Variants in SULF2 observed in about 807,000 individuals in gnomAD.
The protein encoded by SULF2 is sulfatase 2, also known as extracellular sulfatase Sulf-2.
Under a neutral mutation model 107.7 loss-of-function variants are expected in SULF2, and 52 were observed. That is an observed-to-expected ratio of 0.48 (90% confidence interval 0.39 to 0.61). SULF2 has a LOEUF of 0.61. SULF2 is among the 20% of genes least tolerant of loss of function. The pLI, the probability that SULF2 is intolerant of heterozygous loss-of-function variation, is 0.00. For synonymous variants in SULF2, 460 were observed against 464.3 expected (o/e 0.99, Z 0.12); for missense variants, 993 against 1,177.3 (o/e 0.84, Z 2.29).
intron 2 of SULF2, 127 bp from the exon 3 acceptor site, chr20:47,737,069 G>A: frequency 3.6e-6 from 5 of 1,377,112 alleles, no homozygotes; most frequent in Non-Finnish European, 4.0e-6. Flanking sequence ...CGGGGCAGAC[G>A]GGGCAGGGGC....
Position 47,690,289 on chromosome 20 carries a change from G to C in SULF2, c.574C>G (p.Leu192Val). The C allele has an allele frequency of 2.7e-6, 4 of 1,495,600 alleles. No individual in the cohort carries two copies. The highest frequency in any genetic ancestry group is 3.6e-6 in the Non-Finnish European group (4 of 1,114,664). The allele number at this position is 1,495,600 out of a possible 1,614,324, so 92.6% of individuals were successfully genotyped here. The stretch of plus-strand genomic sequence containing the variant: ...CTGTCATTGGTGATGAGGTCTGTGA[G>C]GTAATCCTGGGGGGTGGGGAGAGAC... The part of the protein sequence containing the change: ...KHGSDYSKDY[L>V]TDLITNDSVS... Residue 192 changes from leucine (L) to valine (V), a missense_variant, in exon 5 of 21, where the codon CTC becomes GTC. By Grantham distance (32) the Leu-to-Val change is conservative. Coordinates refer to ENST00000688720, the MANE Select transcript of SULF2 (RefSeq NM_001387048.1).
chr20:47,681,120 C>T (rs1262074645), intron 7 of SULF2, among the ~76,000 whole-genome samples: 2 of 152,128 alleles, frequency 1.3e-5, no homozygotes, highest in Non-Finnish European at 2.9e-5. Context: ...AAAAACCCAC[C>T]TGAGAATGAA....
intron 1 of SULF2, among the ~76,000 whole-genome samples, chr20:47,769,978 G>A (rs191937701): frequency 5.5e-4 from 83 of 152,072 alleles, no homozygotes; most frequent in African/African-American, 1.9e-3. Context: ...GCCGGAAAGG[G>A]GGCACGCATG....
chr20:47,665,966 A>G lies in SULF2; in HGVS notation c.1806-13T>C. 1 of 1,613,092 alleles carries G rather than the reference A, an allele frequency of 6.2e-7. No homozygotes were observed. Among genetic ancestry groups the G allele is most frequent in the Non-Finnish European group, 8.5e-7 (1 of 1,179,022 alleles). On this transcript the variant is annotated splice_polypyrimidine_tract_variant and intron_variant, in intron 12 of 20. Coordinates refer to ENST00000688720, the MANE Select transcript of SULF2 (RefSeq NM_001387048.1). ...TAGGATGTAGCACCTGCTTGAGAGA[A>G]GGGATCACGTGTGGCTCGGAGGTGG...
At chr20:47,780,530 C>T (rs575040681) in intron 1 of SULF2, among the ~76,000 whole-genome samples, 1 of 152,066 alleles carries the variant, frequency 6.6e-6, no homozygotes, top group South Asian at 2.1e-4. Context: ...TGCCTCCCAC[C>T]CCATCACATC....
Position 47,663,133 on chromosome 20 carries a change from G to A in SULF2, c.2307C>T (p.Phe769=), listed in dbSNP as rs115022985. The change falls in exon 17 of 21, where the codon TTC becomes TTT. Residue 769 remains phenylalanine, a synonymous_variant. Transcript: ENST00000688720. ...CMRTINETHN[F]LFCEFATGFL... ...AGCCAGTTGCAAATTCACAGAAGAG[G>A]AAATTGTGAGTCTCATTGATGGTCC... The A allele has an allele frequency of 2.4e-5, 38 of 1,614,054 alleles. No individual in the cohort carries two copies. In the East Asian group the frequency reaches 3.3e-4, roughly 14 times the overall value.
intron 4 of SULF2, among the ~76,000 whole-genome samples, chr20:47,696,072 T>C (rs1442389136): frequency 6.6e-6 from 1 of 152,250 alleles, no homozygotes; most frequent in Non-Finnish European, 1.5e-5. Context: ...GGCTGTGGTT[T>C]AGTGCATGGA....
At position 47,658,065 on chromosome 20, in the gene SULF2, T is replaced by C. The variant is rs1289734064; in HGVS notation, c.*297A>G. The C allele has an allele frequency of 4.6e-6, 2 of 439,394 alleles. No individual in the cohort carries two copies. The highest frequency in any genetic ancestry group is 4.0e-5 in the African/African-American group (2 of 50,616). 27.2% of individuals were successfully genotyped at this position (439,394 alleles called of 1,614,324 possible). On this transcript the variant is annotated 3_prime_UTR_variant, in exon 21 of 21. Transcript: ENST00000688720. ...CTCTCGCTCGCTCTCTCCGTTTTCCTTTGTGAGCTTCTGGGGGAGGGTTAG... is the reference window on the plus strand; with the variant it reads ...CTCTCGCTCGCTCTCTCCGTTTTCCCTTGTGAGCTTCTGGGGGAGGGTTAG...
At chr20:47,725,878 G>C (rs1015024137) in intron 3 of SULF2, among the ~76,000 whole-genome samples, 43 of 152,308 alleles carry the variant, frequency 2.8e-4, no homozygotes, top group Non-Finnish European at 1.9e-4. Context: ...AATCCCCTGC[G>C]ACACGGATGG....
upstream of SULF2, chr20:47,786,022 G>A (rs950825535): frequency 2.0e-5 from 3 of 152,100 alleles, no homozygotes; most frequent in Non-Finnish European, 2.9e-5. Context: ...GCGCACCCTC[G>A]CCGGGACACA....
chr20:47,676,464 A>G (rs778953969), intron 10 of SULF2, 30 bp downstream of exon 10: 2 of 1,597,098 alleles, frequency 1.3e-6, no homozygotes, highest in East Asian at 2.2e-5. Context: ...CAGGAGGGGG[A>G]GCCGTTGGGA....
At chr20:47,771,771 C>T (rs1292613598) in intron 1 of SULF2, among the ~76,000 whole-genome samples, 9 of 152,166 alleles carry the variant, frequency 5.9e-5, no homozygotes, top group Admixed American at 5.9e-4. Flanking sequence ...TGGGCCAGGG[C>T]TCCGGGGCCA....
intron 4 of SULF2, among the ~76,000 whole-genome samples, chr20:47,700,131 T>C (rs1248393129): frequency 6.6e-6 from 1 of 152,212 alleles, no homozygotes; most frequent in Non-Finnish European, 1.5e-5. Flanking sequence ...TTCATTTCCA[T>C]ATTTCTTTTA....
In SULF2 at chr20:47,736,691, G is replaced by T; in HGVS notation, c.415+12C>A. On this transcript the variant is annotated intron_variant, in intron 3 of 20. Transcript: ENST00000688720. The stretch of plus-strand genomic sequence containing the variant: ...TCACTCCCTTCCTGCACCTGCCCCC[G>T]TCCCTGCTCACCTGTCCGGTAGCCA... 1 of 1,614,034 alleles carries T rather than the reference G, an allele frequency of 6.2e-7. No individual in the cohort carries two copies. Among genetic ancestry groups the T allele is most frequent in the South Asian group, 1.1e-5 (1 of 91,066 alleles).
intron 3 of SULF2, among the ~76,000 whole-genome samples, chr20:47,730,220 A>T (rs1303847894): frequency 6.6e-6 from 1 of 152,236 alleles, no homozygotes; most frequent in Non-Finnish European, 1.5e-5. Context: ...TGGTCTTGTA[A>T]GGAGCATGTA....
rs1244328672 is a variant in SULF2 at position 47,728,216 on chromosome 20, T to TGTGC, written c.415+8483_415+8486dup. On this transcript the variant is annotated intron_variant, in intron 3 of 20. Coordinates refer to ENST00000688720, the MANE Select transcript of SULF2 (RefSeq NM_001387048.1). ...ACCGAGGGAAGAAGGGAGCTGTGTG[T>TGTGC]GTGCGTGCGTGCGTGCACACTTGTG... Among the ~76,000 whole-genome samples, 535 of 152,018 alleles carry TGTGC rather than the reference T, an allele frequency of 3.5e-3. 1 individual carries two copies. Among genetic ancestry groups the TGTGC allele is most frequent in the African/African-American group, 0.012 (513 of 41,474 alleles).
At chr20:47,735,184 T>C (rs1028502094) in intron 3 of SULF2, among the ~76,000 whole-genome samples, 2 of 152,098 alleles carry the variant, frequency 1.3e-5, no homozygotes, top group Non-Finnish European at 2.9e-5. Flanking sequence ...ATGAGGGGGA[T>C]TGATGAGAAC....
In SULF2 at chr20:47,678,516, G is replaced by GCTTCTCTCCCACGGGGACCATT; in HGVS notation, c.1193+159_1193+160insAATGGTCCCCGTGGGAGAGAAG. On this transcript the variant is annotated intron_variant, in intron 8 of 20. Coordinates refer to ENST00000688720, the MANE Select transcript of SULF2 (RefSeq NM_001387048.1). The surrounding 1 kb of genome is among the most constrained non-coding windows in gnomAD (Gnocchi z 4.5). Reference sequence around the variant, plus strand: ...GACAGAATCTCGGAGAGGGGACCATGCTTCTCTCCCACAGCAGGTAAGTGG... The same window carrying GCTTCTCTCCCACGGGGACCATT: ...GACAGAATCTCGGAGAGGGGACCATGCTTCTCTCCCACGGGGACCATTCTTCTCTCCCACAGCAGGTAAGTGG... The GCTTCTCTCCCACGGGGACCATT allele has an allele frequency of 3.3e-6, 3 of 921,644 alleles. No individual in the cohort carries two copies. Among genetic ancestry groups the GCTTCTCTCCCACGGGGACCATT allele is most frequent in the Non-Finnish European group, 4.9e-6 (3 of 608,390 alleles). 57.1% of individuals were successfully genotyped at this position (921,644 alleles called of 1,614,324 possible).
chr20:47,770,614 C>A (rs186538136), intron 1 of SULF2, among the ~76,000 whole-genome samples: 36 of 152,306 alleles, frequency 2.4e-4, no homozygotes, highest in Admixed American at 2.3e-3. Flanking sequence ...TAAAATCTTT[C>A]TTTTATTCTC....
Sources: allele counts gnomAD v4.1 joint callset (sites outside exome capture counted in the v4.1 genomes callset), GRCh38; gene constraint gnomAD v4.1.1; non-coding constraint Gnocchi (gnomAD v3.1); transcripts MANE v1.5; gene names NCBI Gene and HGNC (gene_info 2026-07-23, HGNC 2026-07-21).